Variants in MTPN observed in about 807,000 individuals in gnomAD.
MTPN encodes the protein myotrophin.
In MTPN, 2 loss-of-function variants were observed where a neutral mutation model predicts 13.5. The observed-to-expected ratio is 0.15, with a 90% CI of 0.06 to 0.47. The LOEUF (loss-of-function observed/expected upper bound fraction) is 0.47. MTPN is among the 20% of genes least tolerant of loss of function. The probability of loss-of-function intolerance (pLI) is 0.97; values close to 1 mark genes in which losing one functional copy is unlikely to be tolerated. For missense variants in MTPN, 79 were observed against 137.9 expected (o/e 0.57, Z 2.14); for synonymous variants, 46 against 51.7 (o/e 0.89, Z 0.48).
At position 135,929,650 on chromosome 7, in the gene MTPN, G is replaced by A; in HGVS notation, c.*276C>T. On this transcript the variant is annotated 3_prime_UTR_variant, in exon 4 of 4. Coordinates refer to ENST00000393085, the MANE Select transcript of MTPN (RefSeq NM_145808.4). ...AATGTTACTGGTGTATTTTGTCTTT[G>A]CTCTCCCTTGGGTATAAGGTGTATA... 2.7e-6 allele frequency: 1 copy of A among 372,762 alleles called. No homozygotes were observed. Among genetic ancestry groups the A allele is most frequent in the East Asian group, 4.8e-5 (1 of 20,788 alleles). 23.1% of individuals were successfully genotyped at this position (372,762 alleles called of 1,614,324 possible).
chr7:135,950,572 A>T, intron 3 of MTPN, 27 bp downstream of exon 3: 1 of 1,531,270 alleles, frequency 6.5e-7, no homozygotes, highest in Non-Finnish European at 9.0e-7. Flanking sequence ...TAATAGAAAA[A>T]GCAATACTAT....
At chr7:135,959,521 C>G (rs181469830) in intron 1 of MTPN, among the ~76,000 whole-genome samples, 8 of 152,250 alleles carry the variant, frequency 5.3e-5, no homozygotes, top group Non-Finnish European at 1.0e-4. Flanking sequence ...TAAGCTGACT[C>G]TGAAGAACAT....
At chr7:135,963,793 T>C (rs541304839) in intron 1 of MTPN, among the ~76,000 whole-genome samples, 1 of 152,176 alleles carries the variant, frequency 6.6e-6, no homozygotes, top group Non-Finnish European at 1.5e-5. Flanking sequence ...AGGCATTTTT[T>C]TCTTTCAAAA....
intron 1 of MTPN, 119 bp downstream of exon 1, chr7:135,976,910 A>C (rs1584824896): frequency 2.1e-6 from 2 of 951,822 alleles, no homozygotes; most frequent in South Asian, 1.4e-5. Context: ...TGCCGCCTCC[A>C]CCCAGGAAGT....
At chr7:135,956,400 G>T (rs1456458019) in intron 1 of MTPN, among the ~76,000 whole-genome samples, 2 of 152,320 alleles carry the variant, frequency 1.3e-5, no homozygotes, top group East Asian at 3.9e-4. Flanking sequence ...AGAGAAGAGA[G>T]ATACACAATA....
In MTPN at chr7:135,966,019, T is replaced by C. The variant is rs1054721504; in HGVS notation, c.72+11010A>G. 5.9e-5 allele frequency among the ~76,000 whole-genome samples: 9 copies of C among 152,038 alleles called. No individual in the cohort carries two copies. In the East Asian group the frequency reaches 7.7e-4, roughly 13 times the overall value. On this transcript the variant is annotated intron_variant, in intron 1 of 3. Coordinates refer to ENST00000393085, the MANE Select transcript of MTPN (RefSeq NM_145808.4). Reference sequence around the variant, plus strand: ...CCCACAGAATATTAGGTGAGATAAATAGGTAAAAATTAATATAGGGTTCTT... The same window carrying C: ...CCCACAGAATATTAGGTGAGATAAACAGGTAAAAATTAATATAGGGTTCTT...
intron 1 of MTPN, among the ~76,000 whole-genome samples, chr7:135,956,943 C>G (rs771428129): frequency 6.6e-6 from 1 of 152,174 alleles, no homozygotes; most frequent in East Asian, 1.9e-4. Flanking sequence ...ACCGTCCACT[C>G]TAATTTGGCT....
At chr7:135,937,405 CCTCT>C (rs146024186) in intron 3 of MTPN, among the ~76,000 whole-genome samples, 44 of 143,740 alleles carry the variant, frequency 3.1e-4, no homozygotes, top group South Asian at 6.7e-4. Flanking sequence ...ACACACAAAA[CCTCT>C]CTCTCTCTCT....
intron 3 of MTPN, among the ~76,000 whole-genome samples, chr7:135,949,306 G>A (rs1336526470): frequency 6.6e-6 from 1 of 152,116 alleles, no homozygotes; most frequent in Non-Finnish European, 1.5e-5. Flanking sequence ...GTATTCAAAG[G>A]TACTTTGTAA....
rs371357807 is a variant in MTPN at position 135,930,061 on chromosome 7, A to C, written c.271-49T>G. The C allele has an allele frequency of 1.2e-5, 18 of 1,502,020 alleles. 1 individual carries two copies. The African/African-American group carries it at 2.3e-4, about 19-fold the overall frequency. The allele number at this position is 1,502,020 out of a possible 1,614,324, so 93.0% of individuals were successfully genotyped here. On this transcript the variant is annotated intron_variant, in intron 3 of 3. Coordinates refer to ENST00000393085, the MANE Select transcript of MTPN (RefSeq NM_145808.4). ...ATTAAATGAGCCCACAACTGGGGGAAGGGAATGTAAGACTAGCTCACATGG... is the reference window on the plus strand; with the variant it reads ...ATTAAATGAGCCCACAACTGGGGGACGGGAATGTAAGACTAGCTCACATGG...
intron 1 of MTPN, among the ~76,000 whole-genome samples, chr7:135,972,996 G>A (rs1353840237): frequency 6.6e-6 from 1 of 151,598 alleles, no homozygotes; most frequent in African/African-American, 2.4e-5. Flanking sequence ...TGCTTAGAGA[G>A]AGGCAAGTGT....
chr7:135,967,362 G>GGAA (rs777784123), intron 1 of MTPN, among the ~76,000 whole-genome samples: 1 of 152,044 alleles, frequency 6.6e-6, no homozygotes, highest in African/African-American at 2.4e-5. Context: ...TAAAACTTCA[G>GGAA]GAAGAAGAAG....
intron 1 of MTPN, among the ~76,000 whole-genome samples, chr7:135,973,816 C>T (rs751346295): frequency 6.6e-6 from 1 of 151,992 alleles, no homozygotes. Flanking sequence ...TAGATGCTTA[C>T]GTTTCCTGAA....
In MTPN at chr7:135,940,714, A is replaced by G. The variant is rs538840104; in HGVS notation, c.270+9885T>C. On this transcript the variant is annotated intron_variant, in intron 3 of 3. Coordinates refer to ENST00000393085, the MANE Select transcript of MTPN (RefSeq NM_145808.4). The stretch of plus-strand genomic sequence containing the variant: ...AATTACCCATGGCCTCTCCCCCCAA[A>G]ATGTTAGGGACAAGACTAGATTTTG... 3.3e-5 allele frequency among the ~76,000 whole-genome samples: 5 copies of G among 152,266 alleles called. No individual in the cohort carries two copies. In the South Asian group the frequency reaches 1.0e-3, roughly 32 times the overall value.
At chr7:135,935,343 A>G (rs1799099464) in intron 3 of MTPN, among the ~76,000 whole-genome samples, 1 of 151,952 alleles carries the variant, frequency 6.6e-6, no homozygotes, top group African/African-American at 2.4e-5. Context: ...GGTTCAAGCA[A>G]TTCTCCTGCC....
intron 2 of MTPN, 33 bp from the exon 3 acceptor site, chr7:135,950,715 G>C: frequency 6.7e-7 from 1 of 1,498,944 alleles, no homozygotes; most frequent in Non-Finnish European, 9.2e-7. Context: ...AACTTTATCT[G>C]TTTTTCATTT....
At chr7:135,949,235 C>G (rs1212446206) in intron 3 of MTPN, among the ~76,000 whole-genome samples, 4 of 152,108 alleles carry the variant, frequency 2.6e-5, no homozygotes, top group Non-Finnish European at 5.9e-5. Context: ...CTTTCATAAA[C>G]AGCAAATCTG....
rs539566749 is a variant in MTPN at position 135,936,298 on chromosome 7, A to C, written c.271-6286T>G. Reference sequence around the variant, plus strand: ...TCAGGAGTTCAAGACCAGCCTGGTCAACATGGCGAAACCCCGTCTGTACTA... The same window carrying C: ...TCAGGAGTTCAAGACCAGCCTGGTCCACATGGCGAAACCCCGTCTGTACTA... On this transcript the variant is annotated intron_variant, in intron 3 of 3. Coordinates refer to ENST00000393085, the MANE Select transcript of MTPN (RefSeq NM_145808.4). Among the ~76,000 whole-genome samples, 18 of 152,356 alleles carry C rather than the reference A, an allele frequency of 1.2e-4. 1 individual carries two copies. The South Asian group carries it at 3.7e-3, about 32-fold the overall frequency.
Position 135,977,322 on chromosome 7 carries a change from T to C in MTPN, c.-222A>G, listed in dbSNP as rs1584825332. ...GCGGCCACCGGGCCCAGCAGAGAGGTTCCGCCTGGCCGAGGAGAGGCAGGA... is the reference window on the plus strand; with the variant it reads ...GCGGCCACCGGGCCCAGCAGAGAGGCTCCGCCTGGCCGAGGAGAGGCAGGA... On this transcript the variant is annotated 5_prime_UTR_variant, in exon 1 of 4. Coordinates refer to ENST00000393085, the MANE Select transcript of MTPN (RefSeq NM_145808.4). 1.7e-6 allele frequency: 1 copy of C among 580,268 alleles called. No individual in the cohort carries two copies. The highest frequency in any genetic ancestry group is 1.9e-5 in the African/African-American group (1 of 53,022). The allele number at this position is 580,268 out of a possible 1,614,324, so 35.9% of individuals were successfully genotyped here. A position where few individuals can be genotyped will look rare whatever the true frequency, so the allele number is the denominator to read the frequency against.
Sources: allele counts gnomAD v4.1 joint callset (sites outside exome capture counted in the v4.1 genomes callset), GRCh38; gene constraint gnomAD v4.1.1; transcripts MANE v1.5; gene names NCBI Gene and HGNC (gene_info 2026-07-23, HGNC 2026-07-21).